KCNJ6: variants seen among roughly 807,000 people sequenced by gnomAD.
KCNJ6 encodes the protein potassium inwardly rectifying channel subfamily J member 6, also known as G protein-activated inward rectifier potassium channel 2.
A neutral mutation model predicts 34.2 loss-of-function variants in KCNJ6; 9 were observed. That is an observed-to-expected ratio of 0.26 (90% CI 0.16 to 0.46). KCNJ6 has a LOEUF of 0.46. KCNJ6 is among the 20% of genes least tolerant of loss of function. KCNJ6 has a pLI of 1.00. For missense variants in KCNJ6, 236 were observed against 531.3 expected, an observed-to-expected ratio of 0.44 and a Z score of 5.46; for synonymous variants, 196 against 207.1, an observed-to-expected ratio of 0.95 and a Z score of 0.46.
At chr21:37,891,276 G>C (rs201718296) in intron 1 of KCNJ6, among the ~76,000 whole-genome samples, 1 of 112,758 alleles carries the variant, frequency 8.9e-6, no homozygotes, top group Non-Finnish European at 1.7e-5. Context: ...CACACACACA[G>C]AGACAGGTAC....
intron 3 of KCNJ6, among the ~76,000 whole-genome samples, chr21:37,660,191 G>A (rs2054481715): frequency 6.6e-6 from 1 of 152,172 alleles, no homozygotes; most frequent in Non-Finnish European, 1.5e-5. Context: ...ACCTGCCTGG[G>A]CACACACCTA....
At chr21:37,843,646 G>C (rs1044630206) in intron 1 of KCNJ6, among the ~76,000 whole-genome samples, 1 of 152,224 alleles carries the variant, frequency 6.6e-6, no homozygotes, top group Admixed American at 6.5e-5. Context: ...ACTGGGAAGA[G>C]CTTTAGAATT....
At chr21:37,797,626 C>G (rs2055250012) in intron 2 of KCNJ6, among the ~76,000 whole-genome samples, 1 of 151,960 alleles carries the variant, frequency 6.6e-6, no homozygotes, top group Admixed American at 6.6e-5. Flanking sequence ...TCTAACCAGT[C>G]TACCACCTAC....
chr21:37,691,723 G>C (rs2054640611), intron 3 of KCNJ6, among the ~76,000 whole-genome samples: 1 of 152,182 alleles, frequency 6.6e-6, no homozygotes, highest in Non-Finnish European at 1.5e-5. Context: ...AGTGAGACAT[G>C]GTTGGAGGCC....
chr21:37,764,119 T>C (rs2055079367), intron 2 of KCNJ6, among the ~76,000 whole-genome samples: 1 of 152,198 alleles, frequency 6.6e-6, no homozygotes, highest in Non-Finnish European at 1.5e-5. Context: ...ATACCACCTA[T>C]GGAAACTGAC....
At chr21:37,820,569 C>G (rs903425089) in intron 2 of KCNJ6, among the ~76,000 whole-genome samples, 11 of 152,170 alleles carry the variant, frequency 7.2e-5, no homozygotes, top group African/African-American at 2.4e-4. Context: ...CACTTCTGAC[C>G]TATGTTCTGA....
intron 1 of KCNJ6, among the ~76,000 whole-genome samples, chr21:37,862,357 G>A (rs2055598947): frequency 6.6e-6 from 1 of 152,182 alleles, no homozygotes; most frequent in South Asian, 2.1e-4. Context: ...TAACTTTTCT[G>A]TTTTGTAAAT....
intron 3 of KCNJ6, among the ~76,000 whole-genome samples, chr21:37,701,364 C>T (rs187665467): frequency 1.5e-4 from 23 of 151,788 alleles, no homozygotes; most frequent in African/African-American, 5.6e-4. Flanking sequence ...AAGGTAGAGG[C>T]TTCAGGTTTG....
intron 3 of KCNJ6, among the ~76,000 whole-genome samples, chr21:37,710,324 C>T (rs1350849281): frequency 2.6e-5 from 4 of 152,000 alleles, no homozygotes; most frequent in Admixed American, 6.6e-5. Context: ...GGGCACATAC[C>T]GAAATATTTG....
At chr21:37,854,829 T>C (rs897431794) in intron 1 of KCNJ6, among the ~76,000 whole-genome samples, 2 of 152,206 alleles carry the variant, frequency 1.3e-5, no homozygotes, top group Admixed American at 6.5e-5. Flanking sequence ...ATCCTAAATG[T>C]GTATGCAACA....
At chr21:37,859,435 T>G (rs2055581290) in intron 1 of KCNJ6, among the ~76,000 whole-genome samples, 1 of 144,630 alleles carries the variant, frequency 6.9e-6, no homozygotes, top group Non-Finnish European at 1.5e-5. Context: ...TGAACTGGAG[T>G]CTAGGAAGGG....
chr21:37,655,222 T>A lies in KCNJ6; in HGVS notation c.947-29738A>T, dbSNP rs200319566. ...GTGTGTGTGTGTGTGTGTGTGTGTG[T>A]GTGAGAGAGAGAGAGAGAGAGAGAG... On this transcript the variant is annotated intron_variant, in intron 3 of 3. Coordinates refer to ENST00000609713, the MANE Select transcript of KCNJ6 (RefSeq NM_002240.5). Among the ~76,000 whole-genome samples, 48 of 8,230 alleles carry A rather than the reference T, an allele frequency of 5.8e-3. 1 individual carries two copies. The highest frequency in any genetic ancestry group is 0.022 in the Non-Finnish European group (36 of 1,622). 5.4% of individuals were successfully genotyped at this position (8,230 alleles called of 152,430 possible).
intron 2 of KCNJ6, among the ~76,000 whole-genome samples, chr21:37,754,252 C>A (rs2055012291): frequency 6.6e-6 from 1 of 152,174 alleles, no homozygotes; most frequent in Admixed American, 6.5e-5. Context: ...GAAAGGAGGG[C>A]TTCTGAGACC....
chr21:37,766,689 G>T lies in KCNJ6; in HGVS notation c.26-51558C>A, dbSNP rs150256989. On this transcript the variant is annotated intron_variant, in intron 2 of 3. Coordinates refer to ENST00000609713, the MANE Select transcript of KCNJ6 (RefSeq NM_002240.5). The stretch of plus-strand genomic sequence containing the variant: ...GCTTTGCAGTTGCACCAAAGGAAAC[G>T]ATCACTGAATCTAGACCAGGGGTCC... 1.5e-4 allele frequency among the ~76,000 whole-genome samples: 23 copies of T among 152,226 alleles called. No individual in the cohort carries two copies. In the East Asian group the frequency reaches 4.3e-3, roughly 28 times the overall value.
intron 2 of KCNJ6, among the ~76,000 whole-genome samples, chr21:37,726,835 T>C (rs1055667880): frequency 6.6e-5 from 10 of 152,224 alleles, no homozygotes; most frequent in Non-Finnish European, 4.4e-5. Context: ...CCATTGGACT[T>C]GGCAATAGGG....
At chr21:37,711,803 C>G (rs2054754300) in intron 3 of KCNJ6, among the ~76,000 whole-genome samples, 1 of 151,094 alleles carries the variant, frequency 6.6e-6, no homozygotes, top group Non-Finnish European at 1.5e-5. Context: ...TAGAACCCCC[C>G]CCCCAAGTCT....
intron 1 of KCNJ6, among the ~76,000 whole-genome samples, chr21:37,867,605 T>A (rs1037580575): frequency 2.6e-5 from 4 of 152,092 alleles, no homozygotes; most frequent in Admixed American, 1.3e-4. Context: ...AAAACAACAA[T>A]TGAAATGGGC....
chr21:37,656,463 G>A (rs770792765), intron 3 of KCNJ6, among the ~76,000 whole-genome samples: 30 of 152,164 alleles, frequency 2.0e-4, no homozygotes, highest in Non-Finnish European at 5.9e-5. Flanking sequence ...TGGGGTAGAC[G>A]ATGAGCTTTA....
chr21:37,842,570 G>A (rs960353697), intron 1 of KCNJ6, among the ~76,000 whole-genome samples: 5 of 152,168 alleles, frequency 3.3e-5, no homozygotes, highest in African/African-American at 9.7e-5. Flanking sequence ...AGGAGCTAAG[G>A]AGCTGTAATC....
Sources: gnomAD v4.1 joint callset for allele counts (sites outside exome capture counted in the v4.1 genomes callset) on GRCh38, gnomAD v4.1.1 for gene constraint, MANE v1.5 for transcripts, NCBI Gene and HGNC (gene_info 2026-07-23, HGNC 2026-07-21) for gene names.